Variants in RTL1 observed in about 807,000 individuals in gnomAD.
The protein encoded by RTL1 is retrotransposon-like protein 1.
For synonymous variants in RTL1, 727 were observed against 748.4 expected (o/e 0.97, Z 0.47); for missense variants, 1,681 against 1,767.5 (o/e 0.95, Z 0.88).
At position 100,891,242 on chromosome 14, in the gene RTL1, G is replaced by C. The variant is rs532934318; in HGVS notation, c.-87+2202C>G. Among the ~76,000 whole-genome samples the C allele has an allele frequency of 6.6e-5, 10 of 152,270 alleles. No homozygotes were observed. In the East Asian group the frequency reaches 1.5e-3, roughly 24 times the overall value. ...GGCTAAAGACGACTTGAGCCTTACA[G>C]GGTGGGAGGCCGTTGGCATCTCGGC... On this transcript the variant is annotated intron_variant, in intron 3 of 3. Coordinates refer to ENST00000649591, the MANE Select transcript of RTL1 (RefSeq NM_001134888.3).
chr14:100,891,582 G>A (rs2038779297), intron 3 of RTL1, among the ~76,000 whole-genome samples: 1 of 152,208 alleles, frequency 6.6e-6, no homozygotes, highest in African/African-American at 2.4e-5. Flanking sequence ...ATGCTTGACT[G>A]GCAGCTCCAG....
rs968672853 is a variant in RTL1 at position 100,884,744 on chromosome 14, A to G, written c.45T>C (p.His15=). ...SEDSFETMME[H]KNPSSKQMES... is the part of the protein sequence containing the mutation. The stretch of plus-strand genomic sequence containing the variant: ...CCATTTGTTTTGATGATGGATTCTT[A>G]TGCTCCATCATCGTCTCAAATGAGT... The change falls in exon 4 of 4, where the codon CAT becomes CAC. Residue 15 remains histidine (H), a synonymous_variant. Coordinates refer to ENST00000649591, the MANE Select transcript of RTL1 (RefSeq NM_001134888.3). 3 of 1,602,190 alleles carry G rather than the reference A, an allele frequency of 1.9e-6. No individual in the cohort carries two copies. Among genetic ancestry groups the G allele is most frequent in the African/African-American group, 2.7e-5 (2 of 74,018 alleles).
At chr14:100,902,608 T>TAGCAGCAGC (rs34441254) in intron 2 of RTL1, among the ~76,000 whole-genome samples, 7 of 151,680 alleles carry the variant, frequency 4.6e-5, no homozygotes, top group African/African-American at 1.2e-4. Flanking sequence ...AGCCCTGCAG[T>TAGCAGCAGC]AGCAGCAGCA....
intron 3 of RTL1, among the ~76,000 whole-genome samples, chr14:100,891,195 A>G (rs1298783272): frequency 6.6e-6 from 1 of 152,030 alleles, no homozygotes; most frequent in Non-Finnish European, 1.5e-5. Flanking sequence ...GGACCCTTCA[A>G]TCTTGCACAC....
At position 100,884,290 on chromosome 14, in the gene RTL1, C is replaced by G; in HGVS notation, c.499G>C (p.Val167Leu). ...AAGTACAGCGAGATGATGGACCTCA[C>G]CATGGCCATAAGTTCTGCGGTTGAG... ...EHSTAELMAM[V>L]RSIISLYFRM... The change falls in exon 4 of 4, where the codon GTG becomes CTG. Residue 167 changes from valine (V) to leucine (L), a missense_variant. Transcript: ENST00000649591. The G allele has an allele frequency of 6.4e-7, 1 of 1,551,810 alleles. No individual in the cohort carries two copies. Among genetic ancestry groups the G allele is most frequent in the Non-Finnish European group, 8.7e-7 (1 of 1,147,008 alleles).
At chr14:100,891,351 G>A (rs760748756) in intron 3 of RTL1, among the ~76,000 whole-genome samples, 4 of 152,320 alleles carry the variant, frequency 2.6e-5, no homozygotes, top group South Asian at 2.1e-4. Flanking sequence ...CATGGGCCTC[G>A]GACTTCATCG....
At chr14:100,892,373 G>A (rs2038792931) in intron 3 of RTL1, among the ~76,000 whole-genome samples, 1 of 152,198 alleles carries the variant, frequency 6.6e-6, no homozygotes, top group South Asian at 2.1e-4. Flanking sequence ...AGTTTCTAAG[G>A]GGATGATTAG....
At chr14:100,899,376 A>G (rs904764328) in intron 2 of RTL1, among the ~76,000 whole-genome samples, 1 of 152,184 alleles carries the variant, frequency 6.6e-6, no homozygotes, top group African/African-American at 2.4e-5. Context: ...AGGACATGTG[A>G]TGACTGGAGT....
At chr14:100,902,230 C>T (rs1264151426) in intron 2 of RTL1, among the ~76,000 whole-genome samples, 1 of 152,196 alleles carries the variant, frequency 6.6e-6, no homozygotes, top group Non-Finnish European at 1.5e-5. Flanking sequence ...CCCCCTTGCC[C>T]CCTCTGCCCT....
rs371032871 is a variant in RTL1 at position 100,883,381 on chromosome 14, C to T, written c.1408G>A (p.Glu470Lys). The change falls in exon 4 of 4, where the codon GAG becomes AAG. Residue 470 changes from glutamate (E) to lysine (K), a missense_variant. Transcript: ENST00000649591. This position sits in a 1 kb window ranked among gnomAD's most constrained non-coding sequence, Gnocchi z 5.9. ...QSVDGSLIGN[E>K]PVWLYTEPLV... Reference sequence around the variant, plus strand: ...GGCTCCGTGTAGAGCCAGACAGGCTCGTTGCCAATCAGCGAGCCGTCCACG... The same window carrying T: ...GGCTCCGTGTAGAGCCAGACAGGCTTGTTGCCAATCAGCGAGCCGTCCACG... 4.4e-5 allele frequency: 69 copies of T among 1,550,718 alleles called. No homozygotes were observed. Among genetic ancestry groups the T allele is most frequent in the Non-Finnish European group, 5.3e-5 (61 of 1,146,438 alleles).
At chr14:100,902,143 G>A (rs922326142) in intron 2 of RTL1, among the ~76,000 whole-genome samples, 1 of 152,198 alleles carries the variant, frequency 6.6e-6, no homozygotes, top group Non-Finnish European at 1.5e-5. Flanking sequence ...CAGGCAGCCT[G>A]CTCAGGGCTC....
intron 2 of RTL1, among the ~76,000 whole-genome samples, chr14:100,901,905 C>T (rs769633374): frequency 1.3e-5 from 2 of 152,330 alleles, no homozygotes; most frequent in East Asian, 1.9e-4. Flanking sequence ...GCAAGCTACT[C>T]GGGAGAGGCC....
rs376509345 is a variant in RTL1, at chr14:100,884,146, C to T, written c.643G>A (p.Glu215Lys). 13 of 1,551,572 alleles carry T rather than the reference C, an allele frequency of 8.4e-6. No individual in the cohort carries two copies. In the Admixed American group the frequency reaches 1.6e-4, roughly 19 times the overall value. Reference sequence around the variant, plus strand: ...GTCAGTTGGCAGAGTACGATGAACTCGTGGAATTCTCTGCGATCGCCAGAG... The same window carrying T: ...GTCAGTTGGCAGAGTACGATGAACTTGTGGAATTCTCTGCGATCGCCAGAG... Reference protein sequence around the residue: ...HFSGDRREFHEFIVLCQLTLQ... With the variant: ...HFSGDRREFHKFIVLCQLTLQ... The change falls in exon 4 of 4, where the codon GAG becomes AAG. Residue 215 changes from glutamate to lysine, a missense_variant. By Grantham distance (56) the Glu-to-Lys change is moderately conservative (BLOSUM62 1). Coordinates refer to ENST00000649591, the MANE Select transcript of RTL1 (RefSeq NM_001134888.3).
In RTL1 at chr14:100,883,739, C is replaced by T; in HGVS notation, c.1050G>A (p.Leu350=). The T allele has an allele frequency of 6.4e-7, 1 of 1,551,636 alleles. No homozygotes were observed. The highest frequency in any genetic ancestry group is 8.7e-7 in the Non-Finnish European group (1 of 1,146,990). Residue 350 remains leucine (L), a synonymous_variant, in exon 4 of 4, where the codon CTG becomes CTA. Coordinates refer to ENST00000649591, the MANE Select transcript of RTL1 (RefSeq NM_001134888.3). This position sits in a 1 kb window ranked among gnomAD's most constrained non-coding sequence, Gnocchi z 5.9. ...CTTCTATTTGCAGGATGAGCACAAT[C>T]AGACTGTCTAGGGAATCCGGCTGAG... ...RVPQPDSLDS[L]IVLILQIEEK... is the part of the protein sequence containing the mutation.
chr14:100,901,075 C>T (rs553525910), intron 2 of RTL1, among the ~76,000 whole-genome samples: 9 of 152,314 alleles, frequency 5.9e-5, no homozygotes, highest in Non-Finnish European at 1.2e-4. Context: ...CCCCCCACGG[C>T]GGGTCGGAGC....
At chr14:100,886,515 A>G (rs1056945553) in intron 3 of RTL1, among the ~76,000 whole-genome samples, 22 of 152,234 alleles carry the variant, frequency 1.4e-4, no homozygotes, top group African/African-American at 5.3e-4. Context: ...TTATTTTGTC[A>G]TTCCTCAAGG....
At chr14:100,895,659 ACTGG>A (rs1315656296) in intron 2 of RTL1, among the ~76,000 whole-genome samples, 1 of 152,164 alleles carries the variant, frequency 6.6e-6, no homozygotes, top group Non-Finnish European at 1.5e-5. Context: ...TTTCATTGGT[ACTGG>A]CTGGGTTTAT....
rs1325452170 is a variant in RTL1, at chr14:100,893,844, G to A, written c.-148-339C>T. On this transcript the variant is annotated intron_variant, in intron 2 of 3. Coordinates refer to ENST00000649591, the MANE Select transcript of RTL1 (RefSeq NM_001134888.3). The surrounding 1 kb of genome is among the most constrained non-coding windows in gnomAD (Gnocchi z 4.2). ...GGGACCTACACCCACCCTCACACCC[G>A]GGCCCACGCTCACTTTAATAACCCG... Among the ~76,000 whole-genome samples the A allele has an allele frequency of 2.0e-5, 3 of 152,108 alleles. No individual in the cohort carries two copies. Among genetic ancestry groups the A allele is most frequent in the Non-Finnish European group, 2.9e-5 (2 of 68,024 alleles).
At chr14:100,895,609 T>G (rs2038845097) in intron 2 of RTL1, among the ~76,000 whole-genome samples, 1 of 151,864 alleles carries the variant, frequency 6.6e-6, no homozygotes, top group Non-Finnish European at 1.5e-5. Flanking sequence ...AAGGACGACG[T>G]GAGGTTGCAG....
Sources: allele counts gnomAD v4.1 joint callset (sites outside exome capture counted in the v4.1 genomes callset), GRCh38; gene constraint gnomAD v4.1.1; non-coding constraint Gnocchi (gnomAD v3.1); transcripts MANE v1.5; gene names NCBI Gene and HGNC (gene_info 2026-07-23, HGNC 2026-07-21).